Variants in AVEN observed in about 807,000 individuals in gnomAD.
AVEN encodes cell death regulator Aven.
AVEN carries 41 observed loss-of-function variants against 38.1 expected under a neutral mutation model. The ratio of observed to expected loss-of-function variants is 1.08; its 90% confidence interval spans 0.84 to 1.40. AVEN has a LOEUF of 1.40. Ranked by LOEUF, AVEN falls within the 40% of genes most tolerant of loss-of-function variation. The pLI is 0.00. For missense variants in AVEN, 605 were observed against 438.8 expected (o/e 1.38, Z -3.38); for synonymous variants, 206 against 171.8 (o/e 1.20, Z -1.56).
intron 2 of AVEN, among the ~76,000 whole-genome samples, chr15:33,985,498 C>A (rs1268175593): frequency 6.8e-6 from 1 of 146,876 alleles, no homozygotes; most frequent in Non-Finnish European, 1.5e-5. Context: ...TTACCTCATC[C>A]CTCAGGGTTG....
intron 3 of AVEN, 73 bp from the exon 4 acceptor site, chr15:33,871,103 G>A: frequency 1.0e-6 from 1 of 995,952 alleles, no homozygotes; most frequent in Non-Finnish European, 1.4e-6. Flanking sequence ...AGAAGAAACT[G>A]TAAATAATCC....
At chr15:34,029,780 T>C (rs12903907) in intron 1 of AVEN, among the ~76,000 whole-genome samples, 27,484 of 152,134 alleles carry the variant, frequency 0.18, 2,697 homozygotes, top group Middle Eastern at 0.29. Context: ...GTATCTGTAA[T>C]AGGGATTAAG....
intron 2 of AVEN, among the ~76,000 whole-genome samples, chr15:33,905,775 G>A (rs1252292778): frequency 4.0e-5 from 6 of 150,932 alleles, no homozygotes; most frequent in South Asian, 2.1e-4. Flanking sequence ...AGCCAAGACC[G>A]TGCCATTGCA....
intron 2 of AVEN, among the ~76,000 whole-genome samples, chr15:33,997,305 T>A (rs1021112620): frequency 2.6e-5 from 4 of 152,068 alleles, no homozygotes; most frequent in South Asian, 2.1e-4. Flanking sequence ...CAAGACTACT[T>A]TTTTTTTAAC....
intron 2 of AVEN, among the ~76,000 whole-genome samples, chr15:33,990,263 T>C (rs1896663770): frequency 6.6e-6 from 1 of 151,748 alleles, no homozygotes; most frequent in Non-Finnish European, 1.5e-5. Flanking sequence ...GTGCCTATAG[T>C]CCCAGCTACT....
intron 1 of AVEN, 119 bp downstream of exon 1, chr15:34,038,661 G>A (rs1480550735): frequency 4.0e-6 from 4 of 988,932 alleles, no homozygotes; most frequent in Non-Finnish European, 5.0e-6. Context: ...CGCAGGCGCC[G>A]GCGCCGCCGC....
At chr15:33,895,416 C>T (rs921775813) in intron 2 of AVEN, among the ~76,000 whole-genome samples, 1 of 151,856 alleles carries the variant, frequency 6.6e-6, no homozygotes, top group Non-Finnish European at 1.5e-5. Flanking sequence ...GCCTCAATCT[C>T]CCAGGCTCAA....
intron 2 of AVEN, among the ~76,000 whole-genome samples, chr15:33,962,109 G>C (rs1249659285): frequency 6.6e-6 from 1 of 151,944 alleles, no homozygotes; most frequent in Non-Finnish European, 1.5e-5. Context: ...GTTATGATTG[G>C]TGTTACATGT....
At chr15:33,942,577 A>C (rs1410765861) in intron 2 of AVEN, among the ~76,000 whole-genome samples, 1 of 152,010 alleles carries the variant, frequency 6.6e-6, no homozygotes, top group Non-Finnish European at 1.5e-5. Context: ...CAGCCTCCCA[A>C]GTAGCTGGGA....
At chr15:33,873,735 C>T (rs189102545) in intron 3 of AVEN, among the ~76,000 whole-genome samples, 180 of 152,076 alleles carry the variant, frequency 1.2e-3, no homozygotes, top group African/African-American at 3.8e-3. Flanking sequence ...ACCTCCAACT[C>T]GAACTGTTCA....
chr15:33,859,568 T>C lies in AVEN; in HGVS notation n.2730-474A>G. Reference sequence around the variant, plus strand: ...TTGCCTAAATCCCCCTTATTTTTCTTCTCTAGTGTTACCTTTTCCACATGT... The same window carrying C: ...TTGCCTAAATCCCCCTTATTTTTCTCCTCTAGTGTTACCTTTTCCACATGT... On this transcript the variant is annotated intron_variant and non_coding_transcript_variant, in intron 11 of 11. Coordinates refer to the AVEN transcript ENST00000675287. The C allele has an allele frequency of 3.1e-6, 5 of 1,613,842 alleles. No individual in the cohort carries two copies. In the South Asian group the frequency reaches 3.3e-5, roughly 11 times the overall value.
At chr15:33,933,518 CACACACAGAGAG>C (rs1243288464) in intron 2 of AVEN, among the ~76,000 whole-genome samples, 130 of 114,666 alleles carry the variant, frequency 1.1e-3, no homozygotes, top group African/African-American at 3.1e-3. Context: ...CACACACACA[CACACACAGAGAG>C]AGAGAGAGAG....
chr15:33,885,767 T>C (rs1891674678), intron 2 of AVEN: 1 of 152,158 alleles, frequency 6.6e-6, no homozygotes, highest in Non-Finnish European at 1.5e-5. Flanking sequence ...TACACTAAGG[T>C]ACCTTAAAGG....
intron 1 of AVEN, among the ~76,000 whole-genome samples, chr15:34,073,196 T>C (rs1323718136): frequency 6.9e-6 from 1 of 145,956 alleles, no homozygotes; most frequent in Non-Finnish European, 1.5e-5. Flanking sequence ...GCCCGCCACC[T>C]CGCCCGGCTA....
chr15:34,024,449 G>A lies in AVEN; in HGVS notation c.267+14331C>T, dbSNP rs1446497360. Among the ~76,000 whole-genome samples, 4 of 144,134 alleles carry A rather than the reference G, an allele frequency of 2.8e-5. No individual in the cohort carries two copies. The Admixed American group carries it at 2.9e-4, about 10-fold the overall frequency. The allele number at this position is 144,134 out of a possible 152,430, so 94.6% of individuals were successfully genotyped here. Reference sequence around the variant, plus strand: ...GACTGCACCACTGCCCTCCAGCCTGGGCAACAGAATGAGACCCTGTCTCAA... The same window carrying A: ...GACTGCACCACTGCCCTCCAGCCTGAGCAACAGAATGAGACCCTGTCTCAA... On this transcript the variant is annotated intron_variant, in intron 1 of 5. Coordinates refer to ENST00000306730, the MANE Select transcript of AVEN (RefSeq NM_020371.3).
At chr15:33,883,511 AC>A (rs1479120095) in intron 2 of AVEN, 1 of 152,152 alleles carries the variant, frequency 6.6e-6, no homozygotes, top group Non-Finnish European at 1.5e-5. Flanking sequence ...ACAGAAAGAT[AC>A]CCATTATCTC....
chr15:33,962,913 C>T (rs1427905279), intron 2 of AVEN, among the ~76,000 whole-genome samples: 3 of 97,570 alleles, frequency 3.1e-5, no homozygotes, highest in African/African-American at 1.4e-4. Flanking sequence ...CAGCGAAACT[C>T]GTTCTCAAAA....
At chr15:33,870,887 T>A in intron 4 of AVEN, 48 bp downstream of exon 4, 1 of 1,411,700 alleles carries the variant, frequency 7.1e-7, no homozygotes, top group Non-Finnish European at 9.9e-7. Context: ...CCTCTTTTTC[T>A]CCTCCTGCCC....
chr15:33,932,826 A>AAAATAAAT (rs1404090251), intron 2 of AVEN, among the ~76,000 whole-genome samples: 5 of 47,910 alleles, frequency 1.0e-4, no homozygotes, highest in East Asian at 8.8e-4. Context: ...ACTCCATCAC[A>AAAATAAAT]AAATAAACAA....
Sources: allele counts gnomAD v4.1 joint callset (sites outside exome capture counted in the v4.1 genomes callset), GRCh38; gene constraint gnomAD v4.1.1; transcripts MANE v1.5; gene names NCBI Gene and HGNC (gene_info 2026-07-23, HGNC 2026-07-21).